The following IL7 variants were observed in gnomAD, a reference collection of about 807,000 sequenced individuals.
The protein encoded by IL7 is interleukin 7.
IL7 carries 3 observed loss-of-function variants against 21.6 expected under a neutral mutation model. The observed-to-expected ratio is 0.14, with a 90% confidence interval of 0.06 to 0.36. IL7 has a LOEUF of 0.36. Ranked by LOEUF, IL7 falls within the 10% of genes least tolerant of loss-of-function variation. IL7 has a pLI of 1.00. For synonymous variants in IL7, 62 were observed against 68.1 expected (o/e 0.91, Z 0.44); for missense variants, 175 against 200.2 (o/e 0.87, Z 0.76).
At chr8:78,804,889 T>C (rs780098002) in intron 1 of IL7, 24 bp downstream of exon 1, 1 of 1,612,722 alleles carries the variant, frequency 6.2e-7, no homozygotes, top group Non-Finnish European at 8.5e-7. Flanking sequence ...CGCGAACTTG[T>C]GCGCAAGGGA....
chr8:78,768,378 G>T (rs1385532830), intron 2 of IL7, among the ~76,000 whole-genome samples: 6 of 146,228 alleles, frequency 4.1e-5, no homozygotes, highest in Admixed American at 6.9e-5. Flanking sequence ...CTAGTTTACA[G>T]TCCCACCAAC....
At chr8:78,723,092 A>AATGTAT (rs1554596179) in intron 3 of IL7, among the ~76,000 whole-genome samples, 2 of 140,496 alleles carry the variant, frequency 1.4e-5, no homozygotes, top group African/African-American at 5.2e-5. Context: ...TAGAAGTACA[A>AATGTAT]ATATATATAT....
At chr8:78,676,462 G>A (rs544060662) in intron 4 of IL7, among the ~76,000 whole-genome samples, 2 of 152,050 alleles carry the variant, frequency 1.3e-5, no homozygotes, top group Admixed American at 6.5e-5. Flanking sequence ...TCTTAATAAA[G>A]TTAGCTAACT....
chr8:78,730,622 G>A (rs537870940), downstream of IL7, among the ~76,000 whole-genome samples: 1 of 152,014 alleles, frequency 6.6e-6, no homozygotes, highest in Middle Eastern at 3.4e-3. Context: ...GTAGAAATGT[G>A]TTTTCTAGAT....
In IL7 at chr8:78,750,032, CA is replaced by C. The variant is rs367614570; in HGVS notation, c.148-9951del. Among the ~76,000 whole-genome samples the C allele has an allele frequency of 2.6e-3, 388 of 147,518 alleles. 2 individuals are homozygous for C. Among genetic ancestry groups the C allele is most frequent in the African/African-American group, 8.9e-3 (359 of 40,386 alleles). On this transcript the variant is annotated intron_variant, in intron 2 of 5. Transcript: ENST00000263851. ...CCTGGGTGACAGTAAGACCCTGTCT[CA>C]AAAAAAAAATACTAATTTCTAAAAA... is the stretch of plus-strand genomic sequence containing the variant.
chr8:78,772,240 A>C (rs1812982074), intron 2 of IL7, among the ~76,000 whole-genome samples: 1 of 152,142 alleles, frequency 6.6e-6, no homozygotes, highest in South Asian at 2.1e-4. Flanking sequence ...TTGATTCAAA[A>C]TTTTCAATCA....
At chr8:78,685,146 T>C (rs1009222160) in intron 4 of IL7, among the ~76,000 whole-genome samples, 3 of 152,036 alleles carry the variant, frequency 2.0e-5, no homozygotes, top group Non-Finnish European at 4.4e-5. Context: ...AGTTCAGAAA[T>C]AGGCCCAAAT....
At chr8:78,759,156 G>T (rs1472852697) in intron 2 of IL7, among the ~76,000 whole-genome samples, 1 of 131,022 alleles carries the variant, frequency 7.6e-6, no homozygotes, top group Non-Finnish European at 1.6e-5. Flanking sequence ...ACTCTTGATT[G>T]TATATATATA....
chr8:78,804,408 T>C (rs908768719), intron 1 of IL7, among the ~76,000 whole-genome samples: 3 of 151,658 alleles, frequency 2.0e-5, no homozygotes, highest in African/African-American at 7.3e-5. Flanking sequence ...GGGGGAAAAA[T>C]GGGGTTTTCC....
intron 2 of IL7, among the ~76,000 whole-genome samples, chr8:78,764,090 A>G (rs1812670191): frequency 6.6e-6 from 1 of 152,158 alleles, no homozygotes; most frequent in Non-Finnish European, 1.5e-5. Context: ...GCCAATGAAG[A>G]AAAATCACAC....
chr8:78,708,825 G>A (rs1402701247), intron 3 of IL7, among the ~76,000 whole-genome samples: 3 of 151,928 alleles, frequency 2.0e-5, no homozygotes, highest in Non-Finnish European at 4.4e-5. Flanking sequence ...GGACAGGTGT[G>A]TGCTACCATG....
At chr8:78,752,009 G>T (rs1188979094) in intron 2 of IL7, among the ~76,000 whole-genome samples, 1 of 152,088 alleles carries the variant, frequency 6.6e-6, no homozygotes, top group African/African-American at 2.4e-5. Flanking sequence ...ACATATAAAT[G>T]ACAGCATGTG....
At chr8:78,738,477 A>T (rs1350767290) in intron 4 of IL7, 27 bp downstream of exon 4, 1 of 1,593,374 alleles carries the variant, frequency 6.3e-7, no homozygotes, top group Non-Finnish European at 8.6e-7. Context: ...TAATATTTTT[A>T]TTCAAAGTAA....
intron 2 of IL7, among the ~76,000 whole-genome samples, chr8:78,782,621 A>C (rs1813374612): frequency 6.6e-6 from 1 of 151,730 alleles, no homozygotes; most frequent in Non-Finnish European, 1.5e-5. Context: ...AGGGTTATTG[A>C]CTTCATGTTA....
At chr8:78,766,473 T>C (rs1812756737) in intron 2 of IL7, among the ~76,000 whole-genome samples, 1 of 152,104 alleles carries the variant, frequency 6.6e-6, no homozygotes, top group Non-Finnish European at 1.5e-5. Flanking sequence ...CCTATGCGTG[T>C]TAGGTCTGCA....
intron 2 of IL7, among the ~76,000 whole-genome samples, chr8:78,747,636 A>G (rs1463335506): frequency 2.0e-5 from 3 of 152,210 alleles, no homozygotes; most frequent in Admixed American, 6.5e-5. Flanking sequence ...TTAGCAGATT[A>G]TAGTATGACT....
intron 2 of IL7, among the ~76,000 whole-genome samples, chr8:78,780,417 T>A (rs950590982): frequency 1.8e-4 from 27 of 152,188 alleles, no homozygotes; most frequent in Admixed American, 1.6e-3. Flanking sequence ...TTCCAGAGAT[T>A]CTGGCACACT....
intron 2 of IL7, among the ~76,000 whole-genome samples, chr8:78,771,092 G>T (rs1174173651): frequency 2.0e-5 from 3 of 152,048 alleles, no homozygotes; most frequent in Admixed American, 2.0e-4. Flanking sequence ...CACTCCATTT[G>T]TGGAGAGGGG....
At chr8:78,713,511 T>C (rs1811010181), downstream of IL7, among the ~76,000 whole-genome samples, 1 of 150,836 alleles carries the variant, frequency 6.6e-6, no homozygotes, top group African/African-American at 2.4e-5. Context: ...TCTTTGACAA[T>C]GATTTCCTAA....
Sources: allele counts gnomAD v4.1 joint callset (sites outside exome capture counted in the v4.1 genomes callset), GRCh38; gene constraint gnomAD v4.1.1; transcripts MANE v1.5; gene names NCBI Gene and HGNC (gene_info 2026-07-23, HGNC 2026-07-21).